SERINC5: variants seen among roughly 807,000 people sequenced by gnomAD.
SERINC5 encodes serine incorporator 5, also known as chromosome 5 open reading frame 12.
A neutral mutation model predicts 63.1 loss-of-function variants in SERINC5; 41 were observed. That is an observed-to-expected ratio of 0.65 (90% CI 0.51 to 0.84). The LOEUF (loss-of-function observed/expected upper bound fraction) is 0.84, where lower values mean the gene tolerates loss of function less well. Ranked by LOEUF, SERINC5 falls within the 40% of genes least tolerant of loss-of-function variation. The pLI, the probability that SERINC5 is intolerant of heterozygous loss-of-function variation, is 0.00. For synonymous variants in SERINC5, 222 were observed against 215.2 expected, an observed-to-expected ratio of 1.03 and a Z score of -0.28; for missense variants, 523 against 573.0, an observed-to-expected ratio of 0.91 and a Z score of 0.89.
intron 1 of SERINC5, among the ~76,000 whole-genome samples, chr5:80,247,134 A>G (rs750738245): frequency 3.3e-5 from 5 of 152,256 alleles, no homozygotes; most frequent in South Asian, 2.1e-4. Context: ...TTCTGTAGAC[A>G]TATCAGCTTA....
Position 80,143,527 on chromosome 5 carries a change from A to ATTT in SERINC5, c.*133_*135dup. 1 of 1,084,130 alleles carries ATTT rather than the reference A, an allele frequency of 9.2e-7. No individual in the cohort carries two copies. Among genetic ancestry groups the ATTT allele is most frequent in the Non-Finnish European group, 1.2e-6 (1 of 833,494 alleles). 67.2% of individuals were successfully genotyped at this position (1,084,130 alleles called of 1,614,324 possible). On this transcript the variant is annotated 3_prime_UTR_variant, in exon 12 of 12. Transcript: ENST00000507668. ...TCAAAAGTAAAAAGCTAATCAGGAG[A>ATTT]TTTTTTTTTTTCTCTCTCAAAGCTT...
chr5:80,221,135 C>T (rs1484385051), intron 1 of SERINC5, among the ~76,000 whole-genome samples: 2 of 152,160 alleles, frequency 1.3e-5, no homozygotes, highest in Admixed American at 6.5e-5. Context: ...CTGGGCATCA[C>T]GGGGAGTCTC....
At chr5:80,224,959 T>A (rs141460553) in intron 1 of SERINC5, among the ~76,000 whole-genome samples, 466 of 148,396 alleles carry the variant, frequency 3.1e-3, no homozygotes, top group African/African-American at 0.011. Flanking sequence ...TTTTTTTTTT[T>A]AGACAAGTTT....
rs1016807040 is a variant in SERINC5, at chr5:80,139,884, G to T, written c.*3779C>A. 4.1e-5 allele frequency: 40 copies of T among 985,196 alleles called. No homozygotes were observed. The highest frequency in any genetic ancestry group is 4.6e-5 in the Non-Finnish European group (38 of 829,924). 61.0% of individuals were successfully genotyped at this position (985,196 alleles called of 1,614,324 possible). A position where few individuals can be genotyped will look rare whatever the true frequency, so the allele number is the denominator to read the frequency against. ...CCTCTTTCGTTTCCAAGAGGTATAGGACACTAGAGTACACCAAATGAGATA... is the reference window on the plus strand; with the variant it reads ...CCTCTTTCGTTTCCAAGAGGTATAGTACACTAGAGTACACCAAATGAGATA... On this transcript the variant is annotated 3_prime_UTR_variant, in exon 12 of 12. Transcript: ENST00000507668.
intron 7 of SERINC5, among the ~76,000 whole-genome samples, chr5:80,159,862 ACTGCATGGAGACAG>A (rs1746774543): frequency 6.6e-6 from 1 of 152,166 alleles, no homozygotes; most frequent in South Asian, 2.1e-4. Flanking sequence ...AGCCACACCA[ACTGCATGGAGACAG>A]CTCAGGACCC....
At chr5:80,144,045 C>T (rs961862923) in intron 11 of SERINC5, among the ~76,000 whole-genome samples, 1 of 151,768 alleles carries the variant, frequency 6.6e-6, no homozygotes, top group South Asian at 2.1e-4. Flanking sequence ...CCCCCGCATT[C>T]ACCAATCTAC....
chr5:80,201,081 A>G (rs1482438972), intron 2 of SERINC5, among the ~76,000 whole-genome samples: 1 of 152,132 alleles, frequency 6.6e-6, no homozygotes. Flanking sequence ...CCTGGGCAAC[A>G]GAGCAAGACT....
In SERINC5 at chr5:80,176,104, G is replaced by C. The variant is rs572426305; in HGVS notation, c.458-1057C>G. On this transcript the variant is annotated intron_variant, in intron 4 of 11. Coordinates refer to ENST00000507668, the MANE Select transcript of SERINC5 (RefSeq NM_001174072.3). ...TGAGGCAGAAGAATTGCTTGAACCC[G>C]TGAGGCAGAGGCTGCAGTGAGGCGA... Among the ~76,000 whole-genome samples, 8 of 152,076 alleles carry C rather than the reference G, an allele frequency of 5.3e-5. No individual in the cohort carries two copies. In the South Asian group the frequency reaches 1.7e-3, roughly 32 times the overall value.
intron 1 of SERINC5, among the ~76,000 whole-genome samples, chr5:80,250,190 T>C (rs915276101): frequency 2.0e-5 from 3 of 152,132 alleles, no homozygotes; most frequent in Admixed American, 2.0e-4. Context: ...CAGTACTAAG[T>C]GGTGCAATCA....
At chr5:80,136,257 T>G (rs1037510717), downstream of SERINC5, among the ~76,000 whole-genome samples, 2 of 150,882 alleles carry the variant, frequency 1.3e-5, no homozygotes, top group African/African-American at 4.9e-5. Context: ...CACTCCAGCC[T>G]AGGCAAGAGA....
intron 1 of SERINC5, among the ~76,000 whole-genome samples, chr5:80,237,568 C>G (rs982455996): frequency 6.6e-6 from 1 of 151,858 alleles, no homozygotes; most frequent in Non-Finnish European, 1.5e-5. Context: ...TTCTTGGGCT[C>G]AAGTAATCCG....
At position 80,236,560 on chromosome 5, in the gene SERINC5, G is replaced by A. The variant is rs987310749; in HGVS notation, c.27+19336C>T. ...TTTTTTTTTCTTGAGACAGATTCTCGCTCTGTTGTCCAGGCTAGAGTGCCA... is the reference window on the plus strand; with the variant it reads ...TTTTTTTTTCTTGAGACAGATTCTCACTCTGTTGTCCAGGCTAGAGTGCCA... On this transcript the variant is annotated intron_variant, in intron 1 of 11. Transcript: ENST00000507668. Among the ~76,000 whole-genome samples, 22 of 142,552 alleles carry A rather than the reference G, an allele frequency of 1.5e-4. No individual in the cohort carries two copies. In the East Asian group the frequency reaches 2.8e-3, roughly 18 times the overall value. 93.5% of individuals were successfully genotyped at this position (142,552 alleles called of 152,430 possible).
In SERINC5 at chr5:80,164,914, T is replaced by TG. The variant is rs1561384880; in HGVS notation, c.859+1468_859+1469insC. ...ATTTAAAATAACTTTTTTTCTGTTT[T>TG]TTTTTTTTTTTTTTTTTTGTAGAGA... is the stretch of plus-strand genomic sequence containing the variant. On this transcript the variant is annotated intron_variant, in intron 7 of 11. Transcript: ENST00000507668. 1.3e-3 allele frequency among the ~76,000 whole-genome samples: 177 copies of TG among 134,828 alleles called. 2 individuals are homozygous for TG. Among genetic ancestry groups the TG allele is most frequent in the African/African-American group, 4.9e-3 (172 of 34,930 alleles). The allele number at this position is 134,828 out of a possible 152,430, so 88.5% of individuals were successfully genotyped here.
intron 1 of SERINC5, 107 bp from the exon 2 acceptor site, chr5:80,203,160 C>T: frequency 8.9e-7 from 1 of 1,125,726 alleles, no homozygotes; most frequent in Non-Finnish European, 1.3e-6. Context: ...ACTCGGGGGG[C>T]TGGAGGATCA....
chr5:80,126,712 A>C lies in SERINC5; in HGVS notation c.1239-13087T>G, dbSNP rs1744761621. Among the ~76,000 whole-genome samples, 3 of 152,308 alleles carry C rather than the reference A, an allele frequency of 2.0e-5. No homozygotes were observed. The South Asian group carries it at 6.2e-4, about 32-fold the overall frequency. Reference sequence around the variant, plus strand: ...CCTTTTTTGTACAAATGAAATTCATAAATTTTAATTTGGTTACAAAAAAAT... The same window carrying C: ...CCTTTTTTGTACAAATGAAATTCATCAATTTTAATTTGGTTACAAAAAAAT... On this transcript the variant is annotated intron_variant, in intron 11 of 12. Transcript: ENST00000509193.
At chr5:80,255,103 T>A (rs920013725) in intron 1 of SERINC5, 1 of 152,302 alleles carries the variant, frequency 6.6e-6, no homozygotes, top group Admixed American at 6.5e-5. Flanking sequence ...TTTCTAACTC[T>A]GCAGGAAGGA....
chr5:80,230,459 A>AAAAGAAAAAG (rs769425698), intron 1 of SERINC5, among the ~76,000 whole-genome samples: 1 of 128,630 alleles, frequency 7.8e-6, no homozygotes, highest in Non-Finnish European at 1.6e-5. Flanking sequence ...AAAAAAAAAA[A>AAAAGAAAAAG]AAAGAAACCA....
Position 80,237,461 on chromosome 5 carries a change from G to A in SERINC5, c.27+18435C>T, listed in dbSNP as rs532619190. Among the ~76,000 whole-genome samples the A allele has an allele frequency of 4.6e-5, 7 of 151,936 alleles. No individual in the cohort carries two copies. In the South Asian group the frequency reaches 1.0e-3, roughly 23 times the overall value. ...TGATCCTCCCACCTCAGCCTACAGA[G>A]TAGCTAGCACTACAAGTGCACGCCA... On this transcript the variant is annotated intron_variant, in intron 1 of 11. Coordinates refer to ENST00000507668, the MANE Select transcript of SERINC5 (RefSeq NM_001174072.3).
chr5:80,138,708 CA>C (rs753726414), downstream of SERINC5: 7 of 545,392 alleles, frequency 1.3e-5, no homozygotes, highest in Non-Finnish European at 1.6e-5. Flanking sequence ...TGAATATATA[CA>C]TATTTCAAAA....
Sources: gnomAD v4.1 joint callset for allele counts (sites outside exome capture counted in the v4.1 genomes callset) on GRCh38, gnomAD v4.1.1 for gene constraint, MANE v1.5 for transcripts, NCBI Gene and HGNC (gene_info 2026-07-23, HGNC 2026-07-21) for gene names.